USH2A: variants seen among roughly 807,000 people sequenced by gnomAD.
USH2A encodes Usher syndrome 2A (autosomal recessive, mild).
Under a neutral mutation model 538.9 loss-of-function variants are expected in USH2A, and 443 were observed. The observed-to-expected ratio is 0.82, with a 90% confidence interval of 0.76 to 0.89. The LOEUF is 0.89. Ranked by LOEUF, USH2A falls within the 40% of genes least tolerant of loss-of-function variation. The probability of loss-of-function intolerance (pLI) is 0.00; values close to 1 mark genes in which losing one functional copy is unlikely to be tolerated. For synonymous variants in USH2A, 2,413 were observed against 2,273.5 expected, an observed-to-expected ratio of 1.06 and a Z score of -1.75; for missense variants, 6,633 against 6,324.8, an observed-to-expected ratio of 1.05 and a Z score of -1.65.
At chr1:216,079,685 G>A (rs1242270273) in intron 26 of USH2A, among the ~76,000 whole-genome samples, 1 of 152,112 alleles carries the variant, frequency 6.6e-6, no homozygotes. Context: ...ATTCTTCCCA[G>A]TATTACCTTG....
chr1:216,294,073 T>A (rs989958488), intron 9 of USH2A, among the ~76,000 whole-genome samples: 11 of 152,206 alleles, frequency 7.2e-5, no homozygotes, highest in Non-Finnish European at 7.3e-5. Context: ...ATGTAATAGG[T>A]CTGTTATGTA....
At chr1:215,679,340 T>C (rs1017958500) in intron 62 of USH2A, among the ~76,000 whole-genome samples, 2 of 151,848 alleles carry the variant, frequency 1.3e-5, no homozygotes, top group Non-Finnish European at 2.9e-5. Context: ...AAGAAAAGGG[T>C]AGTGTGTCTA....
intron 24 of USH2A, 105 bp from the exon 25 acceptor site, chr1:216,084,982 C>T (rs2032082728): frequency 9.2e-7 from 1 of 1,081,912 alleles, no homozygotes; most frequent in Non-Finnish European, 1.4e-6. Context: ...CTAGCTCTCA[C>T]TACCTATTTA....
chr1:216,162,693 T>C (rs2034082875), intron 21 of USH2A, among the ~76,000 whole-genome samples: 1 of 152,048 alleles, frequency 6.6e-6, no homozygotes, highest in Non-Finnish European at 1.5e-5. Flanking sequence ...GCATGGGAAT[T>C]TACTCATAAA....
At chr1:216,350,095 A>G (rs926081022) in intron 4 of USH2A, among the ~76,000 whole-genome samples, 1 of 152,140 alleles carries the variant, frequency 6.6e-6, no homozygotes, top group Non-Finnish European at 1.5e-5. Context: ...AAGCAGGAGC[A>G]AAGTGGGAGG....
At chr1:215,886,664 T>C (rs1665065077) in intron 41 of USH2A, 1 of 152,322 alleles carries the variant, frequency 6.6e-6, no homozygotes, top group African/African-American at 2.4e-5. Context: ...GAGATTCAGC[T>C]TTCTAGCCAC....
chr1:215,855,275 A>C (rs2102831158), intron 44 of USH2A, among the ~76,000 whole-genome samples: 1 of 152,274 alleles, frequency 6.6e-6, no homozygotes, highest in South Asian at 2.1e-4. Context: ...ACCCTCTAAA[A>C]CTGTTAAATA....
chr1:216,228,011 A>G (rs2035594742), intron 14 of USH2A, among the ~76,000 whole-genome samples: 1 of 152,164 alleles, frequency 6.6e-6, no homozygotes. Context: ...GGCTAGAAGT[A>G]GAAGACAGTG....
chr1:215,836,288 T>C (rs1202985482), intron 47 of USH2A, among the ~76,000 whole-genome samples: 1 of 149,958 alleles, frequency 6.7e-6, no homozygotes, highest in Non-Finnish European at 1.5e-5. Context: ...AAGTTTGCTA[T>C]TTTTCTCTTT....
chr1:215,680,507 T>G, intron 61 of USH2A, 131 bp from the exon 62 acceptor site: 1 of 819,176 alleles, frequency 1.2e-6, no homozygotes, highest in Non-Finnish European at 2.0e-6. Context: ...CAGCAGAGTT[T>G]TGAATTATCA....
chr1:215,721,999 A>C lies in USH2A; in HGVS notation c.12066+6031T>G, dbSNP rs1466840497. ...AGGATCACTTCAGTGCAGGACATCA[A>C]GGCTGCAGTGAGCTATGATGGTGCC... On this transcript the variant is annotated intron_variant, in intron 61 of 71. Transcript: ENST00000307340. Among the ~76,000 whole-genome samples the C allele has an allele frequency of 2.0e-5, 3 of 151,936 alleles. No individual in the cohort carries two copies. The South Asian group carries it at 6.2e-4, about 32-fold the overall frequency.
intron 3 of USH2A, among the ~76,000 whole-genome samples, chr1:216,389,305 T>C (rs1259284306): frequency 6.6e-6 from 1 of 152,200 alleles, no homozygotes; most frequent in African/African-American, 2.4e-5. Flanking sequence ...CTCCTTGTGT[T>C]TTAAAACTCA....
At chr1:215,697,497 A>T (rs1217983104) in intron 61 of USH2A, among the ~76,000 whole-genome samples, 2 of 149,738 alleles carry the variant, frequency 1.3e-5, no homozygotes, top group East Asian at 4.0e-4. Context: ...CTGTAATCCT[A>T]CTTCTGCTTT....
chr1:215,659,243 T>C (rs1657366055), intron 64 of USH2A, among the ~76,000 whole-genome samples: 1 of 152,126 alleles, frequency 6.6e-6, no homozygotes, highest in Admixed American at 6.5e-5. Context: ...TGGGAAACAA[T>C]TGGCAGAAAG....
intron 21 of USH2A, among the ~76,000 whole-genome samples, chr1:216,123,816 T>C (rs2033186597): frequency 6.6e-6 from 1 of 152,138 alleles, no homozygotes; most frequent in Non-Finnish European, 1.5e-5. Context: ...CACCTAAATA[T>C]AAGTTAAACA....
intron 11 of USH2A, among the ~76,000 whole-genome samples, chr1:216,252,101 C>G (rs906095321): frequency 9.2e-5 from 14 of 152,284 alleles, no homozygotes; most frequent in African/African-American, 3.1e-4. Context: ...TCATTTTATT[C>G]TTTAAGCATC....
intron 3 of USH2A, among the ~76,000 whole-genome samples, chr1:216,406,544 C>T (rs2102767275): frequency 6.6e-6 from 1 of 152,324 alleles, no homozygotes; most frequent in South Asian, 2.1e-4. Flanking sequence ...ACTACCTATA[C>T]TAGACCTCTC....
chr1:215,976,926 C>A (rs1667631252), intron 35 of USH2A, among the ~76,000 whole-genome samples: 1 of 150,978 alleles, frequency 6.6e-6, no homozygotes, highest in Non-Finnish European at 1.5e-5. Context: ...TTAGTAGAAT[C>A]ATTACCAACT....
intron 9 of USH2A, among the ~76,000 whole-genome samples, chr1:216,294,851 C>T (rs1409651995): frequency 2.0e-5 from 3 of 151,664 alleles, no homozygotes; most frequent in Middle Eastern, 3.5e-3. Flanking sequence ...TAGATATAGT[C>T]CTTTTTGAGA....
Sources: allele counts gnomAD v4.1 joint callset (sites outside exome capture counted in the v4.1 genomes callset), GRCh38; gene constraint gnomAD v4.1.1; transcripts MANE v1.5; gene names NCBI Gene and HGNC (gene_info 2026-07-23, HGNC 2026-07-21).